The following ANKRD26 variants were observed in gnomAD, a reference collection of about 807,000 sequenced individuals.
ANKRD26 encodes ankyrin repeat domain 26, also known as ankyrin repeat domain-containing protein 26.
A neutral mutation model predicts 208.7 loss-of-function variants in ANKRD26; 141 were observed. The ratio of observed to expected loss-of-function variants is 0.68; its 90% CI spans 0.59 to 0.78. ANKRD26 has a LOEUF of 0.78. Among genes scored for constraint, ANKRD26 ranks in the 30% least tolerant of loss-of-function variants. The pLI is 0.00. For missense variants in ANKRD26, 1,889 were observed against 1,938.7 expected, an observed-to-expected ratio of 0.97 and a Z score of 0.48; for synonymous variants, 636 against 660.4, an observed-to-expected ratio of 0.96 and a Z score of 0.57.
intron 22 of ANKRD26, 141 bp from the exon 23 acceptor site, chr10:27,037,464 T>A: frequency 2.1e-6 from 2 of 935,356 alleles, no homozygotes; most frequent in African/African-American, 1.7e-5. Flanking sequence ...CAAGAATTAC[T>A]CAAATTTTAA....
At position 27,063,971 on chromosome 10, in the gene ANKRD26, T is replaced by A. The variant is rs768921014; in HGVS notation, c.1363+17A>T. Reference sequence around the variant, plus strand: ...ACTCTGTCCAATGGCTTTTTAAAAATGAAATATAGCTCTTACCTTCTGCTT... The same window carrying A: ...ACTCTGTCCAATGGCTTTTTAAAAAAGAAATATAGCTCTTACCTTCTGCTT... On this transcript the variant is annotated intron_variant, in intron 12 of 33. Transcript: ENST00000376087. 1 of 1,582,538 alleles carries A rather than the reference T, an allele frequency of 6.3e-7. No individual in the cohort carries two copies. Among genetic ancestry groups the A allele is most frequent in the Non-Finnish European group, 8.7e-7 (1 of 1,155,424 alleles).
the ANKRD26 span, among the ~76,000 whole-genome samples, chr10:26,956,082 T>C: frequency 1.3e-5 from 2 of 152,234 alleles, no homozygotes; most frequent in Admixed American, 6.5e-5. Context: ...ACTTTGATAC[T>C]TACTCAGTTT....
downstream of ANKRD26, among the ~76,000 whole-genome samples, chr10:26,971,625 G>A (rs1200427657): frequency 2.8e-5 from 4 of 144,222 alleles, no homozygotes; most frequent in Admixed American, 7.2e-5. Context: ...GCAGTGAGCC[G>A]AGACCACACC....
intron 32 of ANKRD26, among the ~76,000 whole-genome samples, chr10:27,008,156 A>G (rs1322421304): frequency 3.9e-5 from 6 of 152,034 alleles, no homozygotes; most frequent in African/African-American, 1.2e-4. Context: ...TACCCAGAAC[A>G]TGGTCTGAAA....
chr10:26,956,689 A>G, the ANKRD26 span, among the ~76,000 whole-genome samples: 1 of 151,874 alleles, frequency 6.6e-6, no homozygotes, highest in African/African-American at 2.4e-5. Flanking sequence ...TTCCTGCCTC[A>G]GGAAGTTCTA....
intron 27 of ANKRD26, among the ~76,000 whole-genome samples, chr10:27,028,581 A>G (rs1332794254): frequency 3.8e-5 from 4 of 104,390 alleles, no homozygotes; most frequent in Admixed American, 1.0e-4. Context: ...GTGAGACTCC[A>G]TCTCAAAAAA....
intron 18 of ANKRD26, among the ~76,000 whole-genome samples, chr10:27,044,635 G>A (rs1379137237): frequency 1.3e-5 from 2 of 151,662 alleles, no homozygotes; most frequent in Admixed American, 1.3e-4. Flanking sequence ...TTTGAATGAC[G>A]GTATTAGTTA....
At chr10:26,979,445 T>C (rs2052275691) in intron 5 of ANKRD26, among the ~76,000 whole-genome samples, 1 of 152,118 alleles carries the variant, frequency 6.6e-6, no homozygotes, top group Non-Finnish European at 1.5e-5. Flanking sequence ...CTGACTGTTG[T>C]ATTTAGGGCC....
chr10:27,056,322 C>A (rs991888343), intron 15 of ANKRD26, among the ~76,000 whole-genome samples: 1 of 151,894 alleles, frequency 6.6e-6, no homozygotes, highest in Non-Finnish European at 1.5e-5. Flanking sequence ...GGATTACAGG[C>A]GCCCGCCACC....
chr10:27,037,232 G>C lies in ANKRD26; in HGVS notation c.2651C>G (p.Ser884Cys). The C allele has an allele frequency of 1.2e-6, 2 of 1,613,710 alleles. No homozygotes were observed. The highest frequency in any genetic ancestry group is 1.7e-6 in the Non-Finnish European group (2 of 1,179,734). Residue 884 changes from serine to cysteine, a missense_variant, in exon 23 of 34, where the codon TCC becomes TGC. By Grantham distance (112) the Ser-to-Cys change is moderately radical (BLOSUM62 -1). Transcript: ENST00000376087. ...LQDGILTNHLSKQKEIEMAQK... is the reference protein window; with the variant it reads ...LQDGILTNHLCKQKEIEMAQK... The stretch of plus-strand genomic sequence containing the variant: ...AGCCATTTCAATCTCCTTTTGTTTG[G>C]AAAGGTGATTGGTCAGAATTCCATC...
Position 27,093,402 on chromosome 10 carries a change from A to G in ANKRD26, c.478T>C (p.Ser160Pro), listed in dbSNP as rs776883731. The G allele has an allele frequency of 5.6e-6, 9 of 1,614,034 alleles. No homozygotes were observed. Among genetic ancestry groups the G allele is most frequent in the Non-Finnish European group, 6.8e-6 (8 of 1,180,036 alleles). ...TACAAAAGCAGCTTTGTTGCTACTG[A>G]TATGTCCTCATTATAGACAGCATAG... Reference protein sequence around the residue: ...LHYAVYNEDISVATKLLLYDA... With the variant: ...LHYAVYNEDIPVATKLLLYDA... The change falls in exon 3 of 34, where the codon TCA becomes CCA. Residue 160 changes from serine (S) to proline (P), a missense_variant. Ser to Pro is a moderately conservative substitution (Grantham distance 74). This residue lies in a region of ANKRD26 where 1,272 missense variants were observed against 1,273.8 expected (regional missense o/e 1.00). Transcript: ENST00000376087.
At chr10:26,952,790 C>A in the ANKRD26 span, among the ~76,000 whole-genome samples, 1 of 152,206 alleles carries the variant, frequency 6.6e-6, no homozygotes. Flanking sequence ...ACAAGTAGTT[C>A]TTTTGACCCA....
In ANKRD26 at chr10:27,093,790, T is replaced by C. The variant is rs1430220038; in HGVS notation, c.252A>G (p.Leu84=). Residue 84 remains leucine (L), a synonymous_variant, in exon 2 of 34, where the codon CTA becomes CTG. Coordinates refer to ENST00000376087, the MANE Select transcript of ANKRD26 (RefSeq NM_014915.3). ...NDRDKMNRTA[L]HLACANGHPE... ...GATGACCATTGGCACAGGCCAAATGTAGAGCCGTCCTATGAGAGTGACAGG... is the reference window on the plus strand; with the variant it reads ...GATGACCATTGGCACAGGCCAAATGCAGAGCCGTCCTATGAGAGTGACAGG... 2 of 1,613,770 alleles carry C rather than the reference T, an allele frequency of 1.2e-6. No homozygotes were observed. Among genetic ancestry groups the C allele is most frequent in the South Asian group, 1.1e-5 (1 of 91,082 alleles).
At chr10:27,085,732 C>G (rs1405594081) in intron 5 of ANKRD26, among the ~76,000 whole-genome samples, 1 of 152,074 alleles carries the variant, frequency 6.6e-6, no homozygotes, top group Non-Finnish European at 1.5e-5. Context: ...TAGGTTTGAA[C>G]TGCACAAATC....
In ANKRD26 at chr10:27,066,564, C is replaced by T. The variant is rs1356095038; in HGVS notation, c.1208-16G>A. The T allele has an allele frequency of 1.3e-6, 2 of 1,543,750 alleles. No individual in the cohort carries two copies. Among genetic ancestry groups the T allele is most frequent in the Middle Eastern group, 1.7e-4 (1 of 5,910 alleles). On this transcript the variant is annotated splice_polypyrimidine_tract_variant and intron_variant, in intron 10 of 33. Transcript: ENST00000376087. ...GACATCATATCTATCAAATGTGATACACAGATATATTCATGAGAACATTTA... is the reference window on the plus strand; with the variant it reads ...GACATCATATCTATCAAATGTGATATACAGATATATTCATGAGAACATTTA...
chr10:27,076,581 T>A (rs982211992), intron 9 of ANKRD26, among the ~76,000 whole-genome samples: 1 of 151,908 alleles, frequency 6.6e-6, no homozygotes, highest in Non-Finnish European at 1.5e-5. Context: ...TTTTAAAAGA[T>A]ACACAGTTGA....
intron 5 of ANKRD26, among the ~76,000 whole-genome samples, chr10:27,086,030 T>C (rs1295188751): frequency 6.6e-6 from 1 of 152,166 alleles, no homozygotes; most frequent in Non-Finnish European, 1.5e-5. Context: ...CAGTCAACAG[T>C]AGGCAATTAG....
chr10:26,963,790 A>AT, the ANKRD26 span, among the ~76,000 whole-genome samples: 1 of 151,672 alleles, frequency 6.6e-6, no homozygotes, highest in East Asian at 1.9e-4. Flanking sequence ...TATAATACCT[A>AT]ATACAATGTA....
chr10:27,045,324 T>C (rs2054402344), intron 18 of ANKRD26, among the ~76,000 whole-genome samples: 1 of 151,490 alleles, frequency 6.6e-6, no homozygotes, highest in Non-Finnish European at 1.5e-5. Flanking sequence ...CTTGGGAGGC[T>C]GAGGCATGAG....
Sources: allele counts gnomAD v4.1 joint callset (sites outside exome capture counted in the v4.1 genomes callset), GRCh38; gene constraint gnomAD v4.1.1; regional missense constraint gnomAD v4.1.1; transcripts MANE v1.5; gene names NCBI Gene and HGNC (gene_info 2026-07-23, HGNC 2026-07-21).